Variants in TMEM233 observed in about 807,000 individuals in gnomAD.
TMEM233 encodes transmembrane protein 233.
TMEM233 carries 6 observed loss-of-function variants against 11.2 expected under a neutral mutation model. The observed-to-expected ratio is 0.54, with a 90% confidence interval of 0.29 to 1.06. The LOEUF is 1.06. Among genes scored for constraint, TMEM233 ranks in the 50% least tolerant of loss-of-function variants. The probability of loss-of-function intolerance (pLI) is 0.08; values close to 1 mark genes in which losing one functional copy is unlikely to be tolerated. For missense variants in TMEM233, 127 were observed against 144.7 expected, an observed-to-expected ratio of 0.88 and a Z score of 0.63; for synonymous variants, 59 against 55.8, an observed-to-expected ratio of 1.06 and a Z score of -0.26.
intron 1 of TMEM233, among the ~76,000 whole-genome samples, chr12:119,596,194 A>G (rs10849673): frequency 0.7 from 106,708 of 152,022 alleles, 38,418 homozygotes; most frequent in Middle Eastern, 0.84. Context: ...AGGCAGCAGC[A>G]GACTGTCTGG....
At chr12:119,634,345 C>A in intron 2 of TMEM233, 1 of 848,252 alleles carries the variant, frequency 1.2e-6, no homozygotes, top group Non-Finnish European at 1.4e-6. Context: ...GGTGTGGTGG[C>A]TCACACCTGT....
At chr12:119,620,673 A>C (rs1420570830) in intron 1 of TMEM233, among the ~76,000 whole-genome samples, 2 of 152,150 alleles carry the variant, frequency 1.3e-5, no homozygotes, top group African/African-American at 4.8e-5. Flanking sequence ...ATTGCACCAT[A>C]ACAAATCAAG....
rs71454603 is a variant in TMEM233 at position 119,595,000 on chromosome 12, G to A, written c.186+966G>A. On this transcript the variant is annotated intron_variant, in intron 1 of 2. Transcript: ENST00000426426. This position sits in a 1 kb window ranked among gnomAD's most constrained non-coding sequence, Gnocchi z 5.6. ...TTCCACGCAACGTGCGGCTCCGCCC[G>A]CCCTCTGCGCTCAGACCTCCCGAGC... Among the ~76,000 whole-genome samples, 4,494 of 152,272 alleles carry A rather than the reference G, an allele frequency of 0.03. 95 individuals are homozygous for A. The highest frequency in any genetic ancestry group is 0.044 in the Non-Finnish European group (2,986 of 68,016).
intron 2 of TMEM233, among the ~76,000 whole-genome samples, chr12:119,632,733 T>A (rs79890128): frequency 0.011 from 1,636 of 152,340 alleles, 31 homozygotes; most frequent in African/African-American, 0.037. Context: ...ATGTTGGAAA[T>A]CTGGGATTTT....
At position 119,594,233 on chromosome 12, in the gene TMEM233, C is replaced by T; in HGVS notation, c.186+199C>T. The stretch of plus-strand genomic sequence containing the variant: ...CGCAATCATCAGCACCTCCTCTGCA[C>T]TCCTCGTGGTACTCAGAGCCCTGAT... On this transcript the variant is annotated intron_variant, in intron 1 of 2. Coordinates refer to ENST00000426426, the MANE Select transcript of TMEM233 (RefSeq NM_001136534.3). The surrounding 1 kb of genome is among the most constrained non-coding windows in gnomAD (Gnocchi z 5.6). 1 of 596,794 alleles carries T rather than the reference C, an allele frequency of 1.7e-6. No individual in the cohort carries two copies. The highest frequency in any genetic ancestry group is 3.0e-6 in the Non-Finnish European group (1 of 337,144). The allele number at this position is 596,794 out of a possible 1,614,324, so 37.0% of individuals were successfully genotyped here. A position where few individuals can be genotyped will look rare whatever the true frequency, so the allele number is the denominator to read the frequency against.
rs936929054 is a variant in TMEM233 at position 119,631,698 on chromosome 12, C to A, written c.323+1826C>A. 9 of 982,972 alleles carry A rather than the reference C, an allele frequency of 9.2e-6. No individual in the cohort carries two copies. The African/African-American group carries it at 1.6e-4, about 17-fold the overall frequency. The allele number at this position is 982,972 out of a possible 1,614,324, so 60.9% of individuals were successfully genotyped here. A position where few individuals can be genotyped will look rare whatever the true frequency, so the allele number is the denominator to read the frequency against. On this transcript the variant is annotated intron_variant, in intron 2 of 2. Coordinates refer to ENST00000426426, the MANE Select transcript of TMEM233 (RefSeq NM_001136534.3). ...TGGGTTTAATGGTGCAGTTTTGGCA[C>A]CAGACTGCCTGGACCCAGGTCCCAG...
Position 119,595,665 on chromosome 12 carries a change from G to A in TMEM233, c.186+1631G>A, listed in dbSNP as rs1224451206. 6.6e-6 allele frequency among the ~76,000 whole-genome samples: 1 copy of A among 152,114 alleles called. No individual in the cohort carries two copies. Among genetic ancestry groups the A allele is most frequent in the African/African-American group, 2.4e-5 (1 of 41,406 alleles). On this transcript the variant is annotated intron_variant, in intron 1 of 2. Coordinates refer to ENST00000426426, the MANE Select transcript of TMEM233 (RefSeq NM_001136534.3). This position sits in a 1 kb window ranked among gnomAD's most constrained non-coding sequence, Gnocchi z 4.3. ...GGGAGCATTCATGACATAAATAATT[G>A]TAAAGTGCTTAGAACAGTGACCAGC...
chr12:119,640,650 A>C, intron 2 of TMEM233, 49 bp from the exon 3 acceptor site: 1 of 1,547,022 alleles, frequency 6.5e-7, no homozygotes, highest in Non-Finnish European at 8.7e-7. Context: ...CCAACCACAG[A>C]AGCTCAGCCC....
chr12:119,637,111 A>G (rs1468088251), intron 2 of TMEM233, among the ~76,000 whole-genome samples: 1 of 152,238 alleles, frequency 6.6e-6, no homozygotes, highest in African/African-American at 2.4e-5. Context: ...GCGGGGCGGC[A>G]GTCAGAAACT....
rs57846015 is a variant in TMEM233 at position 119,614,411 on chromosome 12, C to CGAGAGAGAGA, written c.187-15309_187-15300dup. ...GAGAGAGAGAGAGACTCCATCTCAA[C>CGAGAGAGAGA]GAGAGAGAGAGAGAGAGAGAGAGAG... On this transcript the variant is annotated intron_variant, in intron 1 of 2. Coordinates refer to ENST00000426426, the MANE Select transcript of TMEM233 (RefSeq NM_001136534.3). Among the ~76,000 whole-genome samples the CGAGAGAGAGA allele has an allele frequency of 1.7e-3, 248 of 143,620 alleles. 1 individual carries two copies. Among genetic ancestry groups the CGAGAGAGAGA allele is most frequent in the African/African-American group, 5.8e-3 (227 of 39,204 alleles). The allele number at this position is 143,620 out of a possible 152,430, so 94.2% of individuals were successfully genotyped here.
chr12:119,594,787 C>T lies in TMEM233; in HGVS notation c.186+753C>T, dbSNP rs924340721. ...CCTCTTTAGGCCTTTCTTAGGCTCC[C>T]CGTGTGCCCCCCTCACCAGCAAAGT... On this transcript the variant is annotated intron_variant, in intron 1 of 2. Coordinates refer to ENST00000426426, the MANE Select transcript of TMEM233 (RefSeq NM_001136534.3). This position sits in a 1 kb window ranked among gnomAD's most constrained non-coding sequence, Gnocchi z 5.6. Among the ~76,000 whole-genome samples the T allele has an allele frequency of 6.6e-6, 1 of 152,182 alleles. No homozygotes were observed. Among genetic ancestry groups the T allele is most frequent in the African/African-American group, 2.4e-5 (1 of 41,450 alleles).
chr12:119,638,818 C>T (rs1955022644), intron 2 of TMEM233, among the ~76,000 whole-genome samples: 1 of 152,102 alleles, frequency 6.6e-6, no homozygotes, highest in African/African-American at 2.4e-5. Context: ...GGGAGGATCA[C>T]TTGAGCCCAG....
In TMEM233 at chr12:119,640,857, A is replaced by C; in HGVS notation, c.*152A>C. ...GGCAGGTCCCTGGCAAATGAACAAG[A>C]AAAAAAAAAAAAAAAAGTCCAAAAT... is the stretch of plus-strand genomic sequence containing the variant. On this transcript the variant is annotated 3_prime_UTR_variant, in exon 3 of 3. Coordinates refer to ENST00000426426, the MANE Select transcript of TMEM233 (RefSeq NM_001136534.3). The C allele has an allele frequency of 1.2e-5, 5 of 415,080 alleles. No individual in the cohort carries two copies. Among genetic ancestry groups the C allele is most frequent in the Admixed American group, 9.7e-5 (1 of 10,296 alleles). 25.7% of individuals were successfully genotyped at this position (415,080 alleles called of 1,614,324 possible). A position where few individuals can be genotyped will look rare whatever the true frequency, so the allele number is the denominator to read the frequency against.
chr12:119,623,699 GAAT>G (rs1477344024), intron 1 of TMEM233, among the ~76,000 whole-genome samples: 1 of 152,166 alleles, frequency 6.6e-6, no homozygotes, highest in East Asian at 1.9e-4. Flanking sequence ...TGCAGATTTA[GAAT>G]AAGAGCAAGG....
rs1281352822 is a variant in TMEM233, at chr12:119,595,895, A to G, written c.186+1861A>G. 1.3e-5 allele frequency among the ~76,000 whole-genome samples: 2 copies of G among 152,240 alleles called. No homozygotes were observed. The highest frequency in any genetic ancestry group is 4.8e-5 in the African/African-American group (2 of 41,472). ...CAGTCTGTGTCCCTCTCATTAGAAT[A>G]TAAGCTCCATAAGGGCAGGAATATT... On this transcript the variant is annotated intron_variant, in intron 1 of 2. Coordinates refer to ENST00000426426, the MANE Select transcript of TMEM233 (RefSeq NM_001136534.3). The surrounding 1 kb of genome is among the most constrained non-coding windows in gnomAD (Gnocchi z 4.3).
chr12:119,597,719 C>G (rs933124484), intron 1 of TMEM233, among the ~76,000 whole-genome samples: 1 of 152,146 alleles, frequency 6.6e-6, no homozygotes, highest in Non-Finnish European at 1.5e-5. Flanking sequence ...CAGACAAGCT[C>G]TAGTCCAACA....
chr12:119,618,069 C>T (rs1283120700), intron 1 of TMEM233, among the ~76,000 whole-genome samples: 2 of 152,336 alleles, frequency 1.3e-5, no homozygotes, highest in South Asian at 2.1e-4. Flanking sequence ...CCCTGCATCC[C>T]AGCTGTTTCA....
At chr12:119,635,481 A>T (rs925087354) in intron 2 of TMEM233, among the ~76,000 whole-genome samples, 1 of 152,228 alleles carries the variant, frequency 6.6e-6, no homozygotes, top group Admixed American at 6.5e-5. Flanking sequence ...AAGATAAAAG[A>T]TAAACAGTTT....
intron 1 of TMEM233, among the ~76,000 whole-genome samples, chr12:119,599,711 T>G (rs1954120005): frequency 6.6e-6 from 1 of 152,040 alleles, no homozygotes; most frequent in African/African-American, 2.4e-5. Flanking sequence ...GAATAAAGGG[T>G]AGGGAAAATC....
Sources: allele counts gnomAD v4.1 joint callset (sites outside exome capture counted in the v4.1 genomes callset), GRCh38; gene constraint gnomAD v4.1.1; non-coding constraint Gnocchi (gnomAD v3.1); transcripts MANE v1.5; gene names NCBI Gene and HGNC (gene_info 2026-07-23, HGNC 2026-07-21).